The following EXOSC8 variants were observed in gnomAD, a reference collection of about 807,000 sequenced individuals.
The protein encoded by EXOSC8 is exosome component 8.
Under a neutral mutation model 39.9 loss-of-function variants are expected in EXOSC8, and 37 were observed. The observed-to-expected ratio is 0.93, with a 90% CI of 0.71 to 1.22. The LOEUF (loss-of-function observed/expected upper bound fraction) is 1.22, where lower values mean the gene tolerates loss of function less well. Among genes scored for constraint, EXOSC8 ranks in the 50% most tolerant of loss-of-function variants. The pLI, the probability that EXOSC8 is intolerant of heterozygous loss-of-function variation, is 0.00. For synonymous variants in EXOSC8, 93 were observed against 109.5 expected (o/e 0.85, Z 0.94); for missense variants, 313 against 326.6 (o/e 0.96, Z 0.32).
rs144158336 is a variant in EXOSC8, at chr13:37,002,475, CAT to C, written c.55-10_55-9del. ...TAGGTATAATCTATTTTTATATAAACATATTTATTTAGAAAGAGAACTGCCGT... is the reference window on the plus strand; with the variant it reads ...TAGGTATAATCTATTTTTATATAAACATTTATTTAGAAAGAGAACTGCCGT... On this transcript the variant is annotated splice_polypyrimidine_tract_variant and intron_variant, in intron 2 of 10. Transcript: ENST00000389704. The C allele has an allele frequency of 3.0e-3, 4,592 of 1,519,264 alleles. 106 individuals carry two copies. The African/African-American group carries it at 0.058, about 19-fold the overall frequency. 94.1% of individuals were successfully genotyped at this position (1,519,264 alleles called of 1,614,324 possible).
At chr13:37,002,383 A>C in intron 2 of EXOSC8, 74 bp downstream of exon 2, 2 of 1,428,996 alleles carry the variant, frequency 1.4e-6, no homozygotes, top group Middle Eastern at 1.8e-4. Flanking sequence ...AAGTAATTTA[A>C]ATTAATCCAT....
chr13:37,006,139 C>G lies in EXOSC8; in HGVS notation c.369C>G (p.Asp123Glu). The change falls in exon 7 of 11, where the codon GAC becomes GAG. Residue 123 changes from aspartate to glutamate, a missense_variant. Physicochemically the swap from Asp to Glu is conservative, Grantham distance 45 (BLOSUM62 2). Transcript: ENST00000389704. The part of the protein sequence containing the change: ...IENSQIIQKE[D>E]LCISPGKLVW... ...GTTCACAGATAATTCAGAAAGAGGA[C>G]TTATGCATTTCTCCAGGAAAGGTAA... 1 of 1,609,804 alleles carries G rather than the reference C, an allele frequency of 6.2e-7. No homozygotes were observed. Among genetic ancestry groups the G allele is most frequent in the East Asian group, 2.2e-5 (1 of 44,824 alleles).
chr13:37,009,557 G>A lies in EXOSC8; in HGVS notation c.*258G>A. On this transcript the variant is annotated 3_prime_UTR_variant, in exon 11 of 11. Transcript: ENST00000389704. ...AAGGTTGTGCTTCTGTATAAAGTTTGTACATCTAGCAATGTAAAATACTGA... is the reference window on the plus strand; with the variant it reads ...AAGGTTGTGCTTCTGTATAAAGTTTATACATCTAGCAATGTAAAATACTGA... 2 of 1,218,722 alleles carry A rather than the reference G, an allele frequency of 1.6e-6. No individual in the cohort carries two copies. Among genetic ancestry groups the A allele is most frequent in the Admixed American group, 1.8e-5 (1 of 54,386 alleles). 75.5% of individuals were successfully genotyped at this position (1,218,722 alleles called of 1,614,324 possible). A position where few individuals can be genotyped will look rare whatever the true frequency, so the allele number is the denominator to read the frequency against.
intron 4 of EXOSC8, 109 bp from the exon 5 acceptor site, chr13:37,004,407 C>A: frequency 1.3e-6 from 1 of 742,630 alleles, no homozygotes; most frequent in Non-Finnish European, 2.3e-6. Flanking sequence ...GGCCCTGACA[C>A]AATTCCCTAA....
rs752132421 is a variant in EXOSC8 at position 37,000,797 on chromosome 13, G to T, written c.-9G>T. 18 of 1,581,454 alleles carry T rather than the reference G, an allele frequency of 1.1e-5. No homozygotes were observed. Among genetic ancestry groups the T allele is most frequent in the Middle Eastern group, 1.7e-4 (1 of 5,932 alleles). On this transcript the variant is annotated 5_prime_UTR_variant, in exon 1 of 11. Coordinates refer to ENST00000389704, the MANE Select transcript of EXOSC8 (RefSeq NM_181503.3). ...GGAGCGGCGCAGGCGCAGACGCGCG[G>T]GCGGGAAGATGGCGGCTGGGTTCAA...
rs2059221539 is a variant in EXOSC8 at position 37,009,555 on chromosome 13, T to G, written c.*256T>G. 6.6e-6 allele frequency: 8 copies of G among 1,218,896 alleles called. No individual in the cohort carries two copies. The highest frequency in any genetic ancestry group is 9.6e-6 in the Non-Finnish European group (8 of 832,770). 75.5% of individuals were successfully genotyped at this position (1,218,896 alleles called of 1,614,324 possible). On this transcript the variant is annotated 3_prime_UTR_variant, in exon 11 of 11. Transcript: ENST00000389704. ...ATAAGGTTGTGCTTCTGTATAAAGT[T>G]TGTACATCTAGCAATGTAAAATACT...
At position 37,009,554 on chromosome 13, in the gene EXOSC8, T is replaced by G. The variant is rs981852250; in HGVS notation, c.*255T>G. 3.3e-5 allele frequency: 40 copies of G among 1,209,604 alleles called. No homozygotes were observed. The highest frequency in any genetic ancestry group is 4.4e-5 in the Non-Finnish European group (36 of 824,584). The allele number at this position is 1,209,604 out of a possible 1,614,324, so 74.9% of individuals were successfully genotyped here. A position where few individuals can be genotyped will look rare whatever the true frequency, so the allele number is the denominator to read the frequency against. On this transcript the variant is annotated 3_prime_UTR_variant, in exon 11 of 11. Transcript: ENST00000389704. Reference sequence around the variant, plus strand: ...GATAAGGTTGTGCTTCTGTATAAAGTTTGTACATCTAGCAATGTAAAATAC... The same window carrying G: ...GATAAGGTTGTGCTTCTGTATAAAGGTTGTACATCTAGCAATGTAAAATAC...
At chr13:37,002,245 T>C (rs1277383879) in intron 1 of EXOSC8, 28 bp from the exon 2 acceptor site, 3 of 1,567,714 alleles carry the variant, frequency 1.9e-6, no homozygotes, top group Non-Finnish European at 2.6e-6. Context: ...TCAGTTTATC[T>C]CAGATATATT....
At chr13:37,006,545 T>A (rs944312003) in intron 7 of EXOSC8, among the ~76,000 whole-genome samples, 31 of 152,166 alleles carry the variant, frequency 2.0e-4, no homozygotes, top group Admixed American at 1.1e-3. Flanking sequence ...ACTAGGTTGA[T>A]TAGAACCTAG....
chr13:37,002,872 T>G (rs999631338), intron 3 of EXOSC8, 62 bp from the exon 4 acceptor site: 1 of 1,088,008 alleles, frequency 9.2e-7, no homozygotes, highest in Admixed American at 1.8e-5. Context: ...TTTTAATTAT[T>G]ATGTGGATAA....
chr13:37,007,931 G>A (rs1267355653), intron 8 of EXOSC8, 126 bp from the exon 9 acceptor site: 1 of 687,304 alleles, frequency 1.5e-6, no homozygotes, highest in Non-Finnish European at 2.5e-6. Flanking sequence ...GTGGCTGTAA[G>A]GTGCTTTTTA....
intron 8 of EXOSC8, 57 bp downstream of exon 8, chr13:37,007,128 G>T (rs749461045): frequency 8.1e-6 from 9 of 1,105,934 alleles, no homozygotes; most frequent in Admixed American, 1.7e-5. Flanking sequence ...ATGTTGTTTT[G>T]TGAAACTTTT....
chr13:37,004,354 A>T, intron 4 of EXOSC8, 162 bp from the exon 5 acceptor site: 1 of 591,500 alleles, frequency 1.7e-6, no homozygotes, highest in Non-Finnish European at 3.0e-6. Context: ...GTGCCTTCTT[A>T]TCTTGTAGAG....
Position 37,005,988 on chromosome 13 carries a change from C to G in EXOSC8, c.307C>G (p.Gln103Glu). 1 of 1,612,432 alleles carries G rather than the reference C, an allele frequency of 6.2e-7. No individual in the cohort carries two copies. Among genetic ancestry groups the G allele is most frequent in the Non-Finnish European group, 8.5e-7 (1 of 1,178,608 alleles). The change falls in exon 6 of 11, where the codon CAA becomes GAA. Residue 103 changes from glutamine to glutamate, a missense_variant. Transcript: ENST00000389704. ...FRSGPPGEEA[Q>E]VASQFIADVI... Reference sequence around the variant, plus strand: ...GTCTGGACCTCCTGGAGAAGAGGCCCAAGTGGCTAGCCAGTTCATTGCAGA... The same window carrying G: ...GTCTGGACCTCCTGGAGAAGAGGCCGAAGTGGCTAGCCAGTTCATTGCAGA...
At chr13:37,006,278 C>A (rs1408122707) in intron 7 of EXOSC8, 118 bp downstream of exon 7, 1 of 648,366 alleles carries the variant, frequency 1.5e-6, no homozygotes, top group Admixed American at 3.0e-5. Context: ...ATATGGATGT[C>A]TTACAGATTT....
intron 4 of EXOSC8, 45 bp downstream of exon 4, chr13:37,003,052 C>T (rs185050901): frequency 2.5e-5 from 30 of 1,176,776 alleles, no homozygotes; most frequent in Non-Finnish European, 3.7e-5. Flanking sequence ...ACAAAGTTAG[C>T]TTTATTTATT....
chr13:37,002,628 C>A, intron 3 of EXOSC8, 77 bp downstream of exon 3: 4 of 1,027,134 alleles, frequency 3.9e-6, no homozygotes, highest in Non-Finnish European at 4.4e-6. Context: ...CAGTTTTTCA[C>A]CCAAATTCTT....
intron 1 of EXOSC8, chr13:37,001,328 G>A (rs2059102738): frequency 6.5e-6 from 1 of 152,778 alleles, no homozygotes; most frequent in Non-Finnish European, 1.5e-5. Flanking sequence ...AGAATCGCTT[G>A]AACCCGGGAG....
intron 4 of EXOSC8, chr13:37,003,255 G>T (rs1217449062): frequency 7.1e-6 from 3 of 423,232 alleles, no homozygotes; most frequent in Non-Finnish European, 1.3e-5. Context: ...TAAAAAAATT[G>T]TTATATCATT....
Sources: allele counts gnomAD v4.1 joint callset (sites outside exome capture counted in the v4.1 genomes callset), GRCh38; gene constraint gnomAD v4.1.1; transcripts MANE v1.5; gene names NCBI Gene and HGNC (gene_info 2026-07-23, HGNC 2026-07-21).